WNT9B: variants seen among roughly 807,000 people sequenced by gnomAD.
The protein encoded by WNT9B is protein Wnt-9b.
WNT9B carries 12 observed loss-of-function variants against 30.2 expected under a neutral mutation model. The observed-to-expected ratio is 0.40, with a 90% confidence interval of 0.26 to 0.64. The LOEUF is 0.64. WNT9B is among the 30% of genes least tolerant of loss of function. The probability of loss-of-function intolerance (pLI) is 0.42; values close to 1 mark genes in which losing one functional copy is unlikely to be tolerated. For missense variants in WNT9B, 442 were observed against 485.2 expected, an observed-to-expected ratio of 0.91 and a Z score of 0.84; for synonymous variants, 218 against 216.9, an observed-to-expected ratio of 1.01 and a Z score of -0.05.
At chr17:46,880,721 A>C (rs530174957), downstream of WNT9B, among the ~76,000 whole-genome samples, 3 of 152,114 alleles carry the variant, frequency 2.0e-5, no homozygotes, top group East Asian at 5.8e-4. Context: ...AAAGTATGGG[A>C]TTTTTTTCCT....
intron 1 of WNT9B, among the ~76,000 whole-genome samples, chr17:46,842,013 C>G (rs1184122444): frequency 1.3e-5 from 2 of 152,162 alleles, no homozygotes; most frequent in Non-Finnish European, 1.5e-5. Context: ...GAAGGCTGGC[C>G]GCGGTGGCGC....
rs1401747281 is a variant in WNT9B, at chr17:46,876,670, G to A, written c.1026G>A (p.Glu342=). The stretch of plus-strand genomic sequence containing the variant: ...AGGTGCAGTGGTGCTGCTACGTGGA[G>A]TGCCAGCAATGTGTGCAGGAGGAGC... ...HCQVQWCCYV[E]CQQCVQEELV... Residue 342 remains glutamate (E), a synonymous_variant, in exon 4 of 4, where the codon GAG becomes GAA. Transcript: ENST00000290015. The A allele has an allele frequency of 1.9e-6, 3 of 1,593,980 alleles. No individual in the cohort carries two copies. Among genetic ancestry groups the A allele is most frequent in the South Asian group, 2.3e-5 (2 of 88,658 alleles).
intron 1 of WNT9B, among the ~76,000 whole-genome samples, chr17:46,859,165 G>A (rs922178649): frequency 2.6e-5 from 4 of 151,864 alleles, no homozygotes; most frequent in African/African-American, 7.3e-5. Flanking sequence ...TAGTGGAGAT[G>A]GGGTTTCACC....
rs1237289277 is a variant in WNT9B at position 46,879,940 on chromosome 17, C to T, written c.*3222C>T. Among the ~76,000 whole-genome samples, 1 of 152,214 alleles carries T rather than the reference C, an allele frequency of 6.6e-6. No individual in the cohort carries two copies. On this transcript the variant is annotated 3_prime_UTR_variant, in exon 4 of 4. Coordinates refer to ENST00000290015, the MANE Select transcript of WNT9B (RefSeq NM_003396.3). ...CAAGGGGTCCTTCTGCCCACACTGCCCAAGAAGCTTGGGCTACACCACTGG... is the reference window on the plus strand; with the variant it reads ...CAAGGGGTCCTTCTGCCCACACTGCTCAAGAAGCTTGGGCTACACCACTGG...
chr17:46,838,942 A>C (rs139550714), intron 1 of WNT9B, among the ~76,000 whole-genome samples: 3 of 152,048 alleles, frequency 2.0e-5, no homozygotes, highest in African/African-American at 7.2e-5. Context: ...AAGTGGAGTG[A>C]TCTTGGCTCA....
intron 1 of WNT9B, among the ~76,000 whole-genome samples, chr17:46,864,475 C>A (rs149244914): frequency 1.3e-5 from 2 of 152,242 alleles, no homozygotes; most frequent in East Asian, 1.9e-4. Flanking sequence ...CTTCTGTAAG[C>A]CTGATTCCTG....
At chr17:46,837,418 G>A (rs895592295) in intron 1 of WNT9B, among the ~76,000 whole-genome samples, 2 of 152,284 alleles carry the variant, frequency 1.3e-5, no homozygotes, top group African/African-American at 2.4e-5. Flanking sequence ...GGACTGGAGG[G>A]TGGGACTGAT....
chr17:46,872,548 C>T lies in WNT9B; in HGVS notation c.109C>T (p.Pro37Ser), dbSNP rs767745602. 7.6e-6 allele frequency: 12 copies of T among 1,572,126 alleles called. No homozygotes were observed. The highest frequency in any genetic ancestry group is 9.5e-6 in the Non-Finnish European group (11 of 1,156,750). ...LTGREVLTPF[P>S]GLGTAAAPAQ... ...CGGGCGGGAAGTCCTGACGCCCTTCCCAGGATTGGGCACTGCGGCAGCCCC... is the reference window on the plus strand; with the variant it reads ...CGGGCGGGAAGTCCTGACGCCCTTCTCAGGATTGGGCACTGCGGCAGCCCC... Residue 37 changes from proline (P) to serine (S), a missense_variant, in exon 2 of 4, where the codon CCA becomes TCA. By Grantham distance (74) the Pro-to-Ser change is moderately conservative. Transcript: ENST00000290015.
rs753748759 is a variant in WNT9B at position 46,876,593 on chromosome 17, G to A, written c.949G>A (p.Gly317Arg). ...GGCCAGCTGCAGCAGCCTGTGCTGCGGGCGGGGCTATGACACCCAGAGCCG... is the reference window on the plus strand; with the variant it reads ...GGCCAGCTGCAGCAGCCTGTGCTGCAGGCGGGGCTATGACACCCAGAGCCG... The part of the protein sequence containing the change: ...REASCSSLCC[G>R]RGYDTQSRLV... The change falls in exon 4 of 4, where the codon GGG becomes AGG. Residue 317 changes from glycine to arginine, a missense_variant. By Grantham distance (125) the Gly-to-Arg change is moderately radical (BLOSUM62 -2). Transcript: ENST00000290015. 16 of 1,613,336 alleles carry A rather than the reference G, an allele frequency of 9.9e-6. No individual in the cohort carries two copies. Among genetic ancestry groups the A allele is most frequent in the Non-Finnish European group, 1.4e-5 (16 of 1,179,798 alleles).
chr17:46,843,360 C>T (rs1161758293), intron 1 of WNT9B, among the ~76,000 whole-genome samples: 2 of 152,122 alleles, frequency 1.3e-5, no homozygotes, highest in African/African-American at 4.8e-5. Flanking sequence ...AGTGGGAAAA[C>T]TTGGTTTCCT....
intron 1 of WNT9B, among the ~76,000 whole-genome samples, chr17:46,871,943 G>T (rs575701210): frequency 1.2e-3 from 181 of 152,334 alleles, no homozygotes; most frequent in African/African-American, 4.2e-3. Context: ...AAACATGTTA[G>T]ATTGGTACAG....
At chr17:46,835,210 T>C in intron 1 of WNT9B, among the ~76,000 whole-genome samples, 1 of 151,876 alleles carries the variant, frequency 6.6e-6, no homozygotes, top group Non-Finnish European at 1.5e-5. Flanking sequence ...TGTTGTCCCT[T>C]ATTCTTTTTT....
upstream of WNT9B, among the ~76,000 whole-genome samples, chr17:46,847,043 A>C (rs1208870179): frequency 6.6e-6 from 1 of 152,230 alleles, no homozygotes; most frequent in Non-Finnish European, 1.5e-5. Context: ...CCCCACTTTC[A>C]GTAATTTTTT....
In WNT9B at chr17:46,878,806, G is replaced by A. The variant is rs1017826668; in HGVS notation, c.*2088G>A. Among the ~76,000 whole-genome samples, 1 of 152,230 alleles carries A rather than the reference G, an allele frequency of 6.6e-6. No homozygotes were observed. The highest frequency in any genetic ancestry group is 1.5e-5 in the Non-Finnish European group (1 of 68,044). ...ATGGCTGGCAGTGCCAGGGTCGTGG[G>A]AGGGCAAAGGGCAGGCTCTAAGGCA... On this transcript the variant is annotated 3_prime_UTR_variant, in exon 4 of 4. Transcript: ENST00000290015.
At chr17:46,852,471 G>A (rs1233771819) in intron 1 of WNT9B, among the ~76,000 whole-genome samples, 1 of 150,806 alleles carries the variant, frequency 6.6e-6, no homozygotes, top group African/African-American at 2.4e-5. Context: ...ATCACAGTGG[G>A]GGGTGACACC....
In WNT9B at chr17:46,878,850, G is replaced by A. The variant is rs997126052; in HGVS notation, c.*2132G>A. On this transcript the variant is annotated 3_prime_UTR_variant, in exon 4 of 4. Coordinates refer to ENST00000290015, the MANE Select transcript of WNT9B (RefSeq NM_003396.3). ...TAAGGCATCTAGGCAGTGGCTGGCTGCTAACATGGACACCCCAAGTCAATG... is the reference window on the plus strand; with the variant it reads ...TAAGGCATCTAGGCAGTGGCTGGCTACTAACATGGACACCCCAAGTCAATG... Among the ~76,000 whole-genome samples the A allele has an allele frequency of 2.0e-5, 3 of 152,244 alleles. No homozygotes were observed. The highest frequency in any genetic ancestry group is 7.2e-5 in the African/African-American group (3 of 41,464).
intron 1 of WNT9B, among the ~76,000 whole-genome samples, chr17:46,861,107 A>C (rs929495419): frequency 7.9e-5 from 12 of 152,236 alleles, no homozygotes; most frequent in African/African-American, 2.9e-4. Context: ...ATATGTTGGC[A>C]GTGGAACCCC....
chr17:46,851,723 C>T lies in WNT9B; in HGVS notation c.77+8C>T, dbSNP rs2084849208. On this transcript the variant is annotated splice_region_variant and intron_variant, in intron 1 of 3. Coordinates refer to ENST00000290015, the MANE Select transcript of WNT9B (RefSeq NM_003396.3). The surrounding 1 kb of genome is among the most constrained non-coding windows in gnomAD (Gnocchi z 4.3). Reference sequence around the variant, plus strand: ...CGCCGCCTCCTACTTCGGGTCAGTGCCCGCCGCGCCCCCCGCCCGCTCCCC... The same window carrying T: ...CGCCGCCTCCTACTTCGGGTCAGTGTCCGCCGCGCCCCCCGCCCGCTCCCC... The T allele has an allele frequency of 7.8e-7, 1 of 1,274,962 alleles. No individual in the cohort carries two copies. The highest frequency in any genetic ancestry group is 9.9e-7 in the Non-Finnish European group (1 of 1,013,086). The allele number at this position is 1,274,962 out of a possible 1,614,324, so 79.0% of individuals were successfully genotyped here. A position where few individuals can be genotyped will look rare whatever the true frequency, so the allele number is the denominator to read the frequency against.
intron 1 of WNT9B, among the ~76,000 whole-genome samples, chr17:46,846,573 G>A (rs1002894496): frequency 1.3e-5 from 2 of 152,262 alleles, no homozygotes; most frequent in Non-Finnish European, 2.9e-5. Flanking sequence ...GGAATTGTCA[G>A]TCAAGGTGGG....
Sources: gnomAD v4.1 joint callset for allele counts (sites outside exome capture counted in the v4.1 genomes callset) on GRCh38, gnomAD v4.1.1 for gene constraint, Gnocchi (gnomAD v3.1) non-coding constraint, MANE v1.5 for transcripts, NCBI Gene and HGNC (gene_info 2026-07-23, HGNC 2026-07-21) for gene names.